CLDN10: variants seen among roughly 807,000 people sequenced by gnomAD.
CLDN10 encodes the protein claudin-10.
In CLDN10, 15 loss-of-function variants were observed where a neutral mutation model predicts 22.9. The ratio of observed to expected loss-of-function variants is 0.65; its 90% CI spans 0.44 to 1.01. CLDN10 has a LOEUF of 1.01. CLDN10 is among the 50% of genes least tolerant of loss of function. CLDN10 has a pLI of 0.00. For missense variants in CLDN10, 247 were observed against 287.8 expected, an observed-to-expected ratio of 0.86 and a Z score of 1.03; for synonymous variants, 114 against 111.4, an observed-to-expected ratio of 1.02 and a Z score of -0.15.
At chr13:95,455,547 C>T (rs113957388) in intron 1 of CLDN10, among the ~76,000 whole-genome samples, 1 of 152,120 alleles carries the variant, frequency 6.6e-6, no homozygotes, top group African/African-American at 2.4e-5. Context: ...TACTTAGCTT[C>T]GTGCATGGTA....
intron 1 of CLDN10, among the ~76,000 whole-genome samples, chr13:95,467,622 G>A (rs567516857): frequency 2.6e-4 from 40 of 152,210 alleles, no homozygotes; most frequent in African/African-American, 9.6e-4. Flanking sequence ...TCCCTGTGGA[G>A]GTGTGGCTTA....
intron 1 of CLDN10, among the ~76,000 whole-genome samples, chr13:95,444,807 G>A (rs1455347770): frequency 6.6e-6 from 1 of 152,058 alleles, no homozygotes; most frequent in Admixed American, 6.6e-5. Context: ...TGTTGGTGGT[G>A]GTGTTTTTAC....
chr13:95,478,629 T>C (rs1360104193), intron 1 of CLDN10, among the ~76,000 whole-genome samples: 3 of 152,282 alleles, frequency 2.0e-5, no homozygotes, highest in South Asian at 2.1e-4. Flanking sequence ...CCATCCCCAT[T>C]TGGCTTCCTG....
Position 95,560,260 on chromosome 13 carries a change from G to C in CLDN10, c.349G>C (p.Ala117Pro). The change falls in exon 2 of 5, where the codon GCT (alanine) becomes CCT (proline). Residue 117 changes from alanine (A) to proline (P), a missense_variant. Ala to Pro is a conservative substitution (Grantham distance 27, BLOSUM62 -1). Coordinates refer to ENST00000299339, the MANE Select transcript of CLDN10 (RefSeq NM_006984.5). ...GGSDKAKAKI[A>P]CLAGIVFILS... is the part of the protein sequence containing the mutation. ...CTCCGATAAAGCCAAAGCTAAAATTGCTTGTTTGGCTGGGATTGTATTCAT... is the reference window on the plus strand; with the variant it reads ...CTCCGATAAAGCCAAAGCTAAAATTCCTTGTTTGGCTGGGATTGTATTCAT... The C allele has an allele frequency of 1.9e-6, 3 of 1,614,164 alleles. No individual in the cohort carries two copies. Among genetic ancestry groups the C allele is most frequent in the Non-Finnish European group, 2.5e-6 (3 of 1,180,006 alleles).
chr13:95,522,526 A>G (rs2043233696), intron 1 of CLDN10, among the ~76,000 whole-genome samples: 1 of 152,102 alleles, frequency 6.6e-6, no homozygotes, highest in Non-Finnish European at 1.5e-5. Context: ...CTTACAAAGT[A>G]AATGTTCCAT....
At chr13:95,533,890 C>T (rs1444156295) in intron 1 of CLDN10, 1 of 152,432 alleles carries the variant, frequency 6.6e-6, no homozygotes, top group African/African-American at 2.4e-5. Flanking sequence ...CTACCCAGAG[C>T]TCTGTCTGCC....
chr13:95,469,044 G>C (rs1387689862), intron 1 of CLDN10, among the ~76,000 whole-genome samples: 1 of 151,072 alleles, frequency 6.6e-6, no homozygotes, highest in African/African-American at 2.4e-5. Flanking sequence ...TCATATCAGA[G>C]AAAAAATTAT....
intron 1 of CLDN10, among the ~76,000 whole-genome samples, chr13:95,526,787 C>CAAAT (rs71113945): frequency 0.068 from 10,241 of 149,668 alleles, 425 homozygotes; most frequent in Middle Eastern, 0.12. Flanking sequence ...AATTCCATCT[C>CAAAT]AAATAAATAA....
At chr13:95,572,676 T>A (rs1378648602) in intron 3 of CLDN10, among the ~76,000 whole-genome samples, 1 of 152,192 alleles carries the variant, frequency 6.6e-6, no homozygotes, top group Non-Finnish European at 1.5e-5. Context: ...AAACATGCTC[T>A]TTTTATTGTT....
chr13:95,573,999 C>T (rs2138684209), intron 3 of CLDN10, among the ~76,000 whole-genome samples: 1 of 151,860 alleles, frequency 6.6e-6, no homozygotes, highest in African/African-American at 2.4e-5. Flanking sequence ...TGATAGTTTG[C>T]TGAGAATAAT....
intron 1 of CLDN10, among the ~76,000 whole-genome samples, chr13:95,444,653 G>A (rs113851714): frequency 0.012 from 1,759 of 152,224 alleles, 38 homozygotes; most frequent in African/African-American, 0.04. Flanking sequence ...AGGAAAGGAG[G>A]GCATTTTAGG....
intron 3 of CLDN10, among the ~76,000 whole-genome samples, chr13:95,569,333 C>T (rs1326953880): frequency 6.6e-6 from 1 of 152,152 alleles, no homozygotes; most frequent in Non-Finnish European, 1.5e-5. Flanking sequence ...CCTGTAATCC[C>T]AGCACTTTGG....
intron 1 of CLDN10, among the ~76,000 whole-genome samples, chr13:95,506,271 A>G (rs1338463800): frequency 6.6e-6 from 1 of 152,106 alleles, no homozygotes. Flanking sequence ...ATCCCTTCCC[A>G]TGAGTCCCTT....
chr13:95,488,709 G>T (rs551572479), intron 1 of CLDN10, among the ~76,000 whole-genome samples: 1 of 152,060 alleles, frequency 6.6e-6, no homozygotes, highest in African/African-American at 2.4e-5. Context: ...TTCTTTTTAG[G>T]TCTGCGTAGT....
At position 95,462,967 on chromosome 13, in the gene CLDN10, T is replaced by A. The variant is rs2042548348; in HGVS notation, c.214+28920T>A. 2.6e-5 allele frequency among the ~76,000 whole-genome samples: 4 copies of A among 152,190 alleles called. No individual in the cohort carries two copies. The South Asian group carries it at 8.3e-4, about 32-fold the overall frequency. ...CCTAATTTATGCCTTGTTCCCCTAA[T>A]CAGTGGCTGTAAGCTGCTTGCCAAG... On this transcript the variant is annotated intron_variant, in intron 1 of 4. Transcript: ENST00000376873.
At chr13:95,497,860 G>C (rs1460144283) in intron 1 of CLDN10, among the ~76,000 whole-genome samples, 1 of 151,170 alleles carries the variant, frequency 6.6e-6, no homozygotes, top group Non-Finnish European at 1.5e-5. Flanking sequence ...AATCAAAGAA[G>C]AGAAGAGAAG....
rs1049552102 is a variant in CLDN10, at chr13:95,480,786, C to T, written c.214+46739C>T. The stretch of plus-strand genomic sequence containing the variant: ...CACGTTGAGAAATATTCAATAGACA[C>T]GCTATTCACATTCAAGAGTACCAAT... On this transcript the variant is annotated intron_variant, in intron 1 of 4. Coordinates refer to the CLDN10 transcript ENST00000376873. Among the ~76,000 whole-genome samples, 6 of 152,190 alleles carry T rather than the reference C, an allele frequency of 3.9e-5. No individual in the cohort carries two copies. The East Asian group carries it at 9.6e-4, about 24-fold the overall frequency.
At chr13:95,441,612 C>A (rs1248245357) in intron 1 of CLDN10, among the ~76,000 whole-genome samples, 1 of 152,168 alleles carries the variant, frequency 6.6e-6, no homozygotes, top group Non-Finnish European at 1.5e-5. Flanking sequence ...GAAATGTGAT[C>A]CACCAGCCAG....
chr13:95,451,386 A>G (rs928022886), intron 1 of CLDN10, among the ~76,000 whole-genome samples: 6 of 152,160 alleles, frequency 3.9e-5, no homozygotes, highest in African/African-American at 1.4e-4. Flanking sequence ...TTAATCTTCT[A>G]GCTAGAAGGG....
Sources: allele counts gnomAD v4.1 joint callset (sites outside exome capture counted in the v4.1 genomes callset), GRCh38; gene constraint gnomAD v4.1.1; transcripts MANE v1.5; gene names NCBI Gene and HGNC (gene_info 2026-07-23, HGNC 2026-07-21).